The following KCNN2 variants were observed in gnomAD, a reference collection of about 807,000 sequenced individuals.
KCNN2 encodes potassium calcium-activated channel subfamily N member 2.
KCNN2 carries 24 observed loss-of-function variants against 55.5 expected under a neutral mutation model. The observed-to-expected ratio is 0.43, with a 90% confidence interval of 0.31 to 0.61. The LOEUF (loss-of-function observed/expected upper bound fraction) is 0.61, where lower values mean the gene tolerates loss of function less well. Among genes scored for constraint, KCNN2 ranks in the 20% least tolerant of loss-of-function variants. The pLI is 0.08. For synonymous variants in KCNN2, 431 were observed against 336.1 expected (o/e 1.28, Z -3.09); for missense variants, 754 against 853.6 (o/e 0.88, Z 1.45).
chr5:114,087,822 C>T (rs1751048975), intron 1 of KCNN2, among the ~76,000 whole-genome samples: 1 of 151,894 alleles, frequency 6.6e-6, no homozygotes, highest in Non-Finnish European at 1.5e-5. Context: ...TTATCTTTAA[C>T]TTCTCACTGT....
upstream of KCNN2, among the ~76,000 whole-genome samples, chr5:114,360,645 A>G (rs1021544296): frequency 2.0e-5 from 3 of 152,244 alleles, no homozygotes; most frequent in Admixed American, 6.5e-5. Context: ...GTGTTGGTAC[A>G]TCTCTTAGAA....
intron 1 of KCNN2, among the ~76,000 whole-genome samples, chr5:114,114,375 G>T (rs1327990818): frequency 2.0e-5 from 3 of 151,950 alleles, no homozygotes; most frequent in Non-Finnish European, 4.4e-5. Context: ...TGATAGTCAT[G>T]CACCACTATG....
At chr5:114,339,068 A>G (rs1756972659) in intron 2 of KCNN2, among the ~76,000 whole-genome samples, 1 of 152,206 alleles carries the variant, frequency 6.6e-6, no homozygotes, top group Non-Finnish European at 1.5e-5. Flanking sequence ...CCATTGGCCT[A>G]CTAAGAGGTA....
At chr5:114,247,563 C>A (rs1754772184) in intron 2 of KCNN2, among the ~76,000 whole-genome samples, 1 of 152,150 alleles carries the variant, frequency 6.6e-6, no homozygotes, top group Non-Finnish European at 1.5e-5. Flanking sequence ...GATTAAGTAT[C>A]CACTTTCAAC....
chr5:114,292,285 G>A (rs527457763), intron 2 of KCNN2, among the ~76,000 whole-genome samples: 3 of 152,210 alleles, frequency 2.0e-5, no homozygotes, highest in Non-Finnish European at 2.9e-5. Context: ...GGCCTGAATG[G>A]CATTGCCTAG....
At chr5:114,363,339 G>A in intron 1 of KCNN2, 78 bp downstream of exon 1, 1 of 1,442,022 alleles carries the variant, frequency 6.9e-7, no homozygotes, top group Non-Finnish European at 9.1e-7. Context: ...GGGACCCTTT[G>A]CGTGCGGATC....
intron 2 of KCNN2, among the ~76,000 whole-genome samples, chr5:114,318,394 T>C (rs1010350937): frequency 1.3e-5 from 2 of 152,140 alleles, no homozygotes; most frequent in Non-Finnish European, 2.9e-5. Context: ...TAGTAAAATC[T>C]GAAGGATGGC....
At chr5:114,243,322 A>G (rs1220619483) in intron 2 of KCNN2, among the ~76,000 whole-genome samples, 1 of 152,210 alleles carries the variant, frequency 6.6e-6, no homozygotes, top group Non-Finnish European at 1.5e-5. Flanking sequence ...TGCTTTCTGT[A>G]GTTTCAGTTA....
rs149780338 is a variant in KCNN2 at position 114,077,704 on chromosome 5, A to G, written c.-271+21204A>G. On this transcript the variant is annotated intron_variant, in intron 1 of 10. Coordinates refer to the KCNN2 transcript ENST00000512097. ...GAACTGCCTGAGGGAGGAGTACAGA[A>G]CTGTGCTTTGCAGAAGGCCCCAAGA... 9.2e-5 allele frequency among the ~76,000 whole-genome samples: 14 copies of G among 152,300 alleles called. No individual in the cohort carries two copies. In the East Asian group the frequency reaches 2.7e-3, roughly 29 times the overall value.
intron 2 of KCNN2, among the ~76,000 whole-genome samples, chr5:114,293,330 G>T (rs1755937321): frequency 6.6e-6 from 1 of 152,184 alleles, no homozygotes; most frequent in Admixed American, 6.5e-5. Context: ...CTGTGGGTTT[G>T]TCATAGATAG....
intron 2 of KCNN2, among the ~76,000 whole-genome samples, chr5:114,265,856 T>C (rs1366325377): frequency 1.3e-5 from 2 of 152,124 alleles, no homozygotes; most frequent in Non-Finnish European, 2.9e-5. Flanking sequence ...CCTGTGCTCT[T>C]TGCCAGGCAC....
chr5:114,153,931 G>C (rs1752576825), intron 1 of KCNN2, among the ~76,000 whole-genome samples: 2 of 152,208 alleles, frequency 1.3e-5, no homozygotes, highest in South Asian at 4.1e-4. Flanking sequence ...TTTCTCTCAA[G>C]GTGATTTTCT....
intron 3 of KCNN2, among the ~76,000 whole-genome samples, chr5:114,420,126 A>G (rs192141070): frequency 2.0e-5 from 3 of 152,364 alleles, no homozygotes; most frequent in East Asian, 3.9e-4. Flanking sequence ...TCAGTACAAC[A>G]CTGAGTCATT....
At chr5:114,415,555 A>T (rs1164564129) in intron 3 of KCNN2, among the ~76,000 whole-genome samples, 1 of 152,180 alleles carries the variant, frequency 6.6e-6, no homozygotes, top group Non-Finnish European at 1.5e-5. Flanking sequence ...TGGTCTTAAT[A>T]TACGTTTATT....
chr5:114,490,453 C>T (rs893623745), intron 6 of KCNN2, among the ~76,000 whole-genome samples: 1 of 152,106 alleles, frequency 6.6e-6, no homozygotes, highest in Non-Finnish European at 1.5e-5. Context: ...AACTCTTATT[C>T]AGGAGGAAGC....
intron 3 of KCNN2, among the ~76,000 whole-genome samples, chr5:114,452,221 C>T (rs1464829785): frequency 6.6e-6 from 1 of 152,126 alleles, no homozygotes; most frequent in Admixed American, 6.5e-5. Flanking sequence ...CTTTAGAGCA[C>T]CCTCACTTAG....
chr5:114,152,818 G>A (rs894630140), intron 1 of KCNN2, among the ~76,000 whole-genome samples: 7 of 152,070 alleles, frequency 4.6e-5, no homozygotes, highest in Non-Finnish European at 1.0e-4. Context: ...CATGTAAAAA[G>A]GCATATGGTG....
intron 2 of KCNN2, among the ~76,000 whole-genome samples, chr5:114,267,577 A>G (rs899889307): frequency 1.3e-5 from 2 of 152,174 alleles, no homozygotes; most frequent in Admixed American, 1.3e-4. Context: ...TTTAGAATCC[A>G]GTCTTTATTG....
At chr5:114,219,255 T>C (rs933862273) in intron 1 of KCNN2, among the ~76,000 whole-genome samples, 1 of 152,210 alleles carries the variant, frequency 6.6e-6, no homozygotes, top group African/African-American at 2.4e-5. Flanking sequence ...CTGTTTGCCT[T>C]TTTGTGTGAG....
Sources: allele counts gnomAD v4.1 joint callset (sites outside exome capture counted in the v4.1 genomes callset), GRCh38; gene constraint gnomAD v4.1.1; transcripts MANE v1.5; gene names NCBI Gene and HGNC (gene_info 2026-07-23, HGNC 2026-07-21).